Variants in RBFOX2 observed in about 807,000 individuals in gnomAD.
RBFOX2 encodes the protein RNA binding fox-1 homolog 2.
RBFOX2 carries 10 observed loss-of-function variants against 49.1 expected under a neutral mutation model. That is an observed-to-expected ratio of 0.20 (90% CI 0.13 to 0.35). The LOEUF is 0.35. RBFOX2 is among the 10% of genes least tolerant of loss of function. RBFOX2 has a pLI of 1.00. For missense variants in RBFOX2, 323 were observed against 486.9 expected (o/e 0.66, Z 3.17); for synonymous variants, 183 against 187.4 (o/e 0.98, Z 0.19).
At chr22:35,908,157 G>C (rs568176765) in intron 1 of RBFOX2, among the ~76,000 whole-genome samples, 6 of 152,074 alleles carry the variant, frequency 3.9e-5, no homozygotes, top group Non-Finnish European at 8.8e-5. Context: ...AACCATTCTT[G>C]AATTCGTATA....
At chr22:36,028,394 G>GGCGGCTGCT in exon 1 of RBFOX2, 2 of 1,258,682 alleles carry the variant, frequency 1.6e-6, no homozygotes, top group Non-Finnish European at 2.0e-6. Flanking sequence ...CCCGAGCTGA[G>GGCGGCTGCT]GCGGCTGATG....
At chr22:35,928,252 G>A (rs552484785) in intron 1 of RBFOX2, among the ~76,000 whole-genome samples, 8 of 152,194 alleles carry the variant, frequency 5.3e-5, no homozygotes, top group African/African-American at 1.9e-4. Context: ...GTGTCTGTTG[G>A]GGGGGCAGGG....
intron 1 of RBFOX2, among the ~76,000 whole-genome samples, chr22:35,950,600 C>T (rs2054805230): frequency 6.6e-6 from 1 of 152,138 alleles, no homozygotes; most frequent in African/African-American, 2.4e-5. Context: ...TAGTTTTTGG[C>T]AACTTCAAAA....
At chr22:36,019,239 C>T (rs188240908) in intron 1 of RBFOX2, among the ~76,000 whole-genome samples, 3 of 152,296 alleles carry the variant, frequency 2.0e-5, no homozygotes, top group Admixed American at 2.0e-4. Context: ...TCCTTTCACT[C>T]CTTAGCAAAG....
intron 1 of RBFOX2, among the ~76,000 whole-genome samples, chr22:35,878,204 C>G (rs1308236806): frequency 6.6e-6 from 1 of 152,032 alleles, no homozygotes; most frequent in Non-Finnish European, 1.5e-5. Flanking sequence ...CAAGACCAGC[C>G]TGGCGAACAC....
chr22:36,003,859 C>T (rs2058523445), intron 1 of RBFOX2, among the ~76,000 whole-genome samples: 1 of 152,168 alleles, frequency 6.6e-6, no homozygotes, highest in Admixed American at 6.5e-5. Flanking sequence ...CAGTCACATT[C>T]AACAACTGTT....
chr22:35,905,442 A>G (rs1322814733), intron 1 of RBFOX2, among the ~76,000 whole-genome samples: 2 of 152,166 alleles, frequency 1.3e-5, no homozygotes, highest in Admixed American at 6.5e-5. Flanking sequence ...AATGCCCACT[A>G]TTTTACTGTT....
At chr22:35,954,489 A>G (rs1489519828) in intron 1 of RBFOX2, among the ~76,000 whole-genome samples, 2 of 152,198 alleles carry the variant, frequency 1.3e-5, no homozygotes, top group East Asian at 3.9e-4. Context: ...TTACTCTAAT[A>G]GTCTCTTGGC....
chr22:36,001,182 C>A (rs2058400682), intron 1 of RBFOX2, among the ~76,000 whole-genome samples: 1 of 64,622 alleles, frequency 1.5e-5, no homozygotes, highest in African/African-American at 6.4e-5. Flanking sequence ...GGCCCCAAAA[C>A]ATACACACAC....
At chr22:35,828,160 CAAAA>C (rs201383680) in intron 1 of RBFOX2, among the ~76,000 whole-genome samples, 3 of 66,556 alleles carry the variant, frequency 4.5e-5, no homozygotes, top group African/African-American at 4.8e-5. Context: ...GAATCTGTCT[CAAAA>C]AAAAAAAAAA....
At chr22:35,965,307 G>A (rs1017593801), upstream of RBFOX2, among the ~76,000 whole-genome samples, 3 of 152,196 alleles carry the variant, frequency 2.0e-5, no homozygotes, top group Non-Finnish European at 2.9e-5. Flanking sequence ...GACCAGCTAA[G>A]AGAAGGCAAG....
At chr22:35,832,929 T>A (rs189308422) in intron 1 of RBFOX2, among the ~76,000 whole-genome samples, 66 of 152,254 alleles carry the variant, frequency 4.3e-4, no homozygotes, top group Non-Finnish European at 1.6e-4. Context: ...TCAAAATAGC[T>A]AGAAGGGGAG....
At chr22:35,808,502 G>A (rs978675334) in intron 2 of RBFOX2, among the ~76,000 whole-genome samples, 16 of 152,060 alleles carry the variant, frequency 1.1e-4, no homozygotes, top group African/African-American at 3.4e-4. Context: ...GAAATCTAAC[G>A]ACAGAGCTAG....
At chr22:35,755,939 G>C (rs1463073116) in intron 9 of RBFOX2, among the ~76,000 whole-genome samples, 166 bp downstream of exon 11, 3 of 149,744 alleles carry the variant, frequency 2.0e-5, no homozygotes, top group Non-Finnish European at 4.4e-5. Context: ...AAGCATGCTT[G>C]CATTCTTAAA....
intron 1 of RBFOX2, among the ~76,000 whole-genome samples, chr22:35,850,583 T>C (rs2041827414): frequency 1.3e-5 from 2 of 152,304 alleles, no homozygotes; most frequent in Admixed American, 1.3e-4. Context: ...TGGAAAGGTC[T>C]TTTCAGAAAA....
intron 1 of RBFOX2, among the ~76,000 whole-genome samples, chr22:35,880,985 C>T (rs1294059479): frequency 1.3e-5 from 2 of 152,214 alleles, no homozygotes; most frequent in South Asian, 2.1e-4. Flanking sequence ...ACTTTGACAG[C>T]TGGGCATGGT....
rs1180932789 is a variant in RBFOX2 at position 35,759,475 on chromosome 22, CA to C, written c.887+412del. 6.6e-6 allele frequency among the ~76,000 whole-genome samples: 1 copy of C among 152,182 alleles called. No individual in the cohort carries two copies. Among genetic ancestry groups the C allele is most frequent in the Non-Finnish European group, 1.5e-5 (1 of 68,036 alleles). Reference sequence around the variant, plus strand: ...AGGACACATGTGACAGCCTCTGCCCCAACACGGGGTGGTGATAAGGAGGTGA... The same window carrying C: ...AGGACACATGTGACAGCCTCTGCCCCACACGGGGTGGTGATAAGGAGGTGA... On this transcript the variant is annotated intron_variant, in intron 9 of 11. Coordinates refer to ENST00000405409, the Ensembl canonical transcript of RBFOX2. The surrounding 1 kb of genome is among the most constrained non-coding windows in gnomAD (Gnocchi z 4.6).
intron 1 of RBFOX2, among the ~76,000 whole-genome samples, chr22:36,006,110 A>G (rs562196664): frequency 6.6e-6 from 1 of 152,342 alleles, no homozygotes; most frequent in African/African-American, 2.4e-5. Flanking sequence ...TGTGAATAAA[A>G]TATCACCTGC....
chr22:35,744,287 G>T (rs766923919), intron 11 of RBFOX2, 38 bp from the exon 14 acceptor site: 13 of 1,566,400 alleles, frequency 8.3e-6, no homozygotes, highest in Middle Eastern at 1.7e-4. Flanking sequence ...TTAAAAGGTT[G>T]ATGAGAGAAG....
Sources: allele counts gnomAD v4.1 joint callset (sites outside exome capture counted in the v4.1 genomes callset), GRCh38; gene constraint gnomAD v4.1.1; non-coding constraint Gnocchi (gnomAD v3.1); transcripts MANE v1.5; gene names NCBI Gene and HGNC (gene_info 2026-07-23, HGNC 2026-07-21).